Variants in PTPRN2 observed in about 807,000 individuals in gnomAD.
PTPRN2 encodes the protein protein tyrosine phosphatase receptor type N2.
PTPRN2 carries 74 observed loss-of-function variants against 118.8 expected under a neutral mutation model. That is an observed-to-expected ratio of 0.62 (90% CI 0.52 to 0.76). The LOEUF is 0.76. Ranked by LOEUF, PTPRN2 falls within the 30% of genes least tolerant of loss-of-function variation. PTPRN2 has a pLI of 0.00. For missense variants in PTPRN2, 1,481 were observed against 1,394.4 expected (o/e 1.06, Z -0.99); for synonymous variants, 641 against 608.0 (o/e 1.05, Z -0.80).
chr7:158,025,810 A>G (rs971294252), intron 11 of PTPRN2, among the ~76,000 whole-genome samples: 13 of 152,328 alleles, frequency 8.5e-5, no homozygotes, highest in African/African-American at 2.9e-4. Flanking sequence ...GAAAAGCGGC[A>G]CCCACACTCC....
At chr7:157,756,820 T>TA (rs1801809120) in intron 12 of PTPRN2, among the ~76,000 whole-genome samples, 1 of 150,040 alleles carries the variant, frequency 6.7e-6, no homozygotes, top group African/African-American at 2.4e-5. Flanking sequence ...CTGTTCCTGA[T>TA]AGACGAGAAA....
intron 3 of PTPRN2, among the ~76,000 whole-genome samples, chr7:158,312,781 G>A (rs970241034): frequency 2.8e-5 from 4 of 143,862 alleles, no homozygotes; most frequent in Non-Finnish European, 6.1e-5. Context: ...ACCCACACAC[G>A]CACACACACC....
intron 2 of PTPRN2, among the ~76,000 whole-genome samples, chr7:158,368,743 C>T (rs1453357062): frequency 6.6e-6 from 1 of 152,148 alleles, no homozygotes; most frequent in African/African-American, 2.4e-5. Context: ...CCAGCTGGGC[C>T]CCACCATCCT....
At position 157,986,422 on chromosome 7, in the gene PTPRN2, C is replaced by T. The variant is rs1458284228; in HGVS notation, c.1724-87685G>A. 1.3e-5 allele frequency among the ~76,000 whole-genome samples: 2 copies of T among 152,232 alleles called. No individual in the cohort carries two copies. Among genetic ancestry groups the T allele is most frequent in the Admixed American group, 6.5e-5 (1 of 15,292 alleles). ...TGACGCCCAGAGAGGCAGGGCACCCCGTGTGTGGTCACCGTGGTCAGTGGC... is the reference window on the plus strand; with the variant it reads ...TGACGCCCAGAGAGGCAGGGCACCCTGTGTGTGGTCACCGTGGTCAGTGGC... On this transcript the variant is annotated intron_variant, in intron 11 of 22. Transcript: ENST00000389418. The surrounding 1 kb of genome is among the most constrained non-coding windows in gnomAD (Gnocchi z 4.5).
At chr7:158,333,828 C>A (rs1208569244) in intron 2 of PTPRN2, among the ~76,000 whole-genome samples, 13 of 148,400 alleles carry the variant, frequency 8.8e-5, no homozygotes, top group African/African-American at 2.5e-5. Flanking sequence ...TCACTCACAC[C>A]CACACTCTCA....
intron 2 of PTPRN2, among the ~76,000 whole-genome samples, chr7:158,340,444 T>C (rs1364074454): frequency 3.4e-5 from 3 of 88,032 alleles, no homozygotes; most frequent in Non-Finnish European, 4.8e-5. Flanking sequence ...CCGTAAGAGC[T>C]GACACCCGCA....
chr7:158,139,854 G>A (rs1360952088), intron 6 of PTPRN2, among the ~76,000 whole-genome samples: 1 of 152,168 alleles, frequency 6.6e-6, no homozygotes, highest in Non-Finnish European at 1.5e-5. Flanking sequence ...AGGGTTGAAA[G>A]AAAAATCATT....
At chr7:158,545,511 G>A (rs745637635) in intron 1 of PTPRN2, among the ~76,000 whole-genome samples, 4 of 152,266 alleles carry the variant, frequency 2.6e-5, no homozygotes, top group Non-Finnish European at 4.4e-5. Context: ...CTGAGCAGCC[G>A]TCTGCGGGCC....
intron 12 of PTPRN2, among the ~76,000 whole-genome samples, chr7:157,751,006 G>C (rs147114802): frequency 6.6e-6 from 1 of 152,232 alleles, no homozygotes; most frequent in South Asian, 2.1e-4. Context: ...CTACTCGACC[G>C]TGGGCTCTAA....
intron 13 of PTPRN2, among the ~76,000 whole-genome samples, chr7:157,657,491 T>TCA (rs779842064): frequency 0.55 from 4,544 of 8,282 alleles, 1,768 homozygotes; most frequent in Admixed American, 0.74. Context: ...ACCACACACA[T>TCA]CACATATACA....
At chr7:158,193,616 C>T (rs756914840) in intron 4 of PTPRN2, among the ~76,000 whole-genome samples, 1 of 152,028 alleles carries the variant, frequency 6.6e-6, no homozygotes, top group Non-Finnish European at 1.5e-5. Flanking sequence ...CACGGGGCAG[C>T]GTCTCAGCCT....
At chr7:157,547,009 A>G (rs1444281548) in intron 22 of PTPRN2, among the ~76,000 whole-genome samples, 4 of 152,198 alleles carry the variant, frequency 2.6e-5, no homozygotes, top group Non-Finnish European at 5.9e-5. Context: ...TGTTCTGGGC[A>G]AACTCACCTG....
intron 12 of PTPRN2, among the ~76,000 whole-genome samples, chr7:157,754,006 C>A (rs1801638611): frequency 6.6e-6 from 1 of 152,240 alleles, no homozygotes; most frequent in Non-Finnish European, 1.5e-5. Flanking sequence ...GTCTCTGGTT[C>A]CCCGCTCCCC....
rs751990640 is a variant in PTPRN2, at chr7:157,656,596, G to A, written c.2002-45C>T. The A allele has an allele frequency of 6.8e-6, 10 of 1,464,110 alleles. No homozygotes were observed. In the South Asian group the frequency reaches 7.4e-5, roughly 11 times the overall value. 90.7% of individuals were successfully genotyped at this position (1,464,110 alleles called of 1,614,324 possible). On this transcript the variant is annotated intron_variant, in intron 13 of 22. Transcript: ENST00000389418. ...AGAGCAGGGGGTTAGTGGCATTGGG[G>A]ACACCCAGCAGGACGAGGGCCACGG...
At chr7:158,094,235 G>A (rs1199910651) in intron 10 of PTPRN2, among the ~76,000 whole-genome samples, 4 of 152,202 alleles carry the variant, frequency 2.6e-5, no homozygotes, top group South Asian at 4.1e-4. Flanking sequence ...GGGGTGGGCC[G>A]GATCTCACCA....
intron 2 of PTPRN2, among the ~76,000 whole-genome samples, chr7:158,335,268 A>G (rs1586335280): frequency 5.5e-5 from 1 of 18,228 alleles, no homozygotes; most frequent in African/African-American, 1.5e-4. Context: ...TGCAGACGTC[A>G]CTCACACCCA....
rs138302677 is a variant in PTPRN2 at position 158,245,544 on chromosome 7, T to C, written c.278-40271A>G. Among the ~76,000 whole-genome samples the C allele has an allele frequency of 3.0e-3, 462 of 152,274 alleles. 6 individuals carry two copies. The highest frequency in any genetic ancestry group is 0.017 in the Middle Eastern group (5 of 294). On this transcript the variant is annotated intron_variant, in intron 3 of 22. Transcript: ENST00000389418. ...GGGCCTTTCATCCGAGCCGACCTCT[T>C]GACGTAGAGTCAGGTCTCCTTGCCG...
intron 5 of PTPRN2, among the ~76,000 whole-genome samples, chr7:158,191,306 C>CA (rs1292013223): frequency 6.6e-6 from 1 of 152,178 alleles, no homozygotes; most frequent in Non-Finnish European, 1.5e-5. Context: ...AGAGGGTCCT[C>CA]AGGCTTTCCT....
chr7:158,567,808 C>A (rs1475633781), intron 1 of PTPRN2, among the ~76,000 whole-genome samples: 3 of 152,190 alleles, frequency 2.0e-5, no homozygotes, highest in African/African-American at 7.2e-5. Flanking sequence ...AAATGGTGAA[C>A]CCCCATCTCA....
Sources: allele counts gnomAD v4.1 joint callset (sites outside exome capture counted in the v4.1 genomes callset), GRCh38; gene constraint gnomAD v4.1.1; non-coding constraint Gnocchi (gnomAD v3.1); transcripts MANE v1.5; gene names NCBI Gene and HGNC (gene_info 2026-07-23, HGNC 2026-07-21).